OXSR1: variants seen among roughly 807,000 people sequenced by gnomAD.
OXSR1 encodes the protein oxidative stress responsive kinase 1.
A neutral mutation model predicts 79.8 loss-of-function variants in OXSR1; 24 were observed. The ratio of observed to expected loss-of-function variants is 0.30; its 90% confidence interval spans 0.22 to 0.42. The LOEUF (loss-of-function observed/expected upper bound fraction) is 0.42. Among genes scored for constraint, OXSR1 ranks in the 10% least tolerant of loss-of-function variants. OXSR1 has a pLI of 1.00. For synonymous variants in OXSR1, 226 were observed against 209.2 expected, an observed-to-expected ratio of 1.08 and a Z score of -0.69; for missense variants, 430 against 618.4, an observed-to-expected ratio of 0.70 and a Z score of 3.23.
intron 12 of OXSR1, 149 bp downstream of exon 12, chr3:38,242,927 A>G: frequency 4.6e-6 from 2 of 430,860 alleles, no homozygotes; most frequent in Non-Finnish European, 4.2e-6. Context: ...GTAAGGGCTC[A>G]GAATGTTCTT....
At chr3:38,224,091 T>G (rs911279401) in intron 7 of OXSR1, among the ~76,000 whole-genome samples, 178 bp downstream of exon 7, 2 of 152,234 alleles carry the variant, frequency 1.3e-5, no homozygotes, top group Admixed American at 6.5e-5. Context: ...CATCACGTTG[T>G]GCAGTTGTCA....
At chr3:38,212,285 A>G (rs1398863206) in intron 4 of OXSR1, among the ~76,000 whole-genome samples, 1 of 152,194 alleles carries the variant, frequency 6.6e-6, no homozygotes, top group Non-Finnish European at 1.5e-5. Context: ...CGTATCTTCA[A>G]AGTCCATTTG....
intron 1 of OXSR1, among the ~76,000 whole-genome samples, chr3:38,182,286 G>C (rs188152968): frequency 1.3e-5 from 2 of 152,208 alleles, no homozygotes; most frequent in African/African-American, 4.8e-5. Context: ...ATTGCCGCAC[G>C]TGTGGGGTAG....
intron 9 of OXSR1, 24 bp from the exon 10 acceptor site, chr3:38,230,341 A>G (rs770336937): frequency 6.6e-7 from 1 of 1,506,670 alleles, no homozygotes; most frequent in Non-Finnish European, 9.2e-7. Context: ...TTGTAAGAAC[A>G]AAATACTTAC....
intron 4 of OXSR1, among the ~76,000 whole-genome samples, chr3:38,212,962 T>G (rs1346071262): frequency 6.6e-6 from 1 of 152,226 alleles, no homozygotes; most frequent in Non-Finnish European, 1.5e-5. Context: ...TGTGCTATTC[T>G]GCTTTTACTC....
At chr3:38,243,823 A>G (rs777269693) in intron 12 of OXSR1, among the ~76,000 whole-genome samples, 1 of 152,228 alleles carries the variant, frequency 6.6e-6, no homozygotes, top group African/African-American at 2.4e-5. Flanking sequence ...TTGTTCACTT[A>G]TATGTGTGGC....
In OXSR1 at chr3:38,236,832, T is replaced by C; in HGVS notation, c.952-7T>C. The C allele has an allele frequency of 1.3e-6, 2 of 1,592,082 alleles. No individual in the cohort carries two copies. Among genetic ancestry groups the C allele is most frequent in the Middle Eastern group, 1.7e-4 (1 of 5,950 alleles). ...CACCATAACCCACTTCTCTTTCTAA[T>C]GAGCAGGTTCGGAGAGTACCAGGTT... is the stretch of plus-strand genomic sequence containing the variant. On this transcript the variant is annotated splice_polypyrimidine_tract_variant and splice_region_variant and intron_variant, in intron 10 of 17. Coordinates refer to ENST00000311806, the MANE Select transcript of OXSR1 (RefSeq NM_005109.3).
Position 38,242,777 on chromosome 3 carries a change from A to G in OXSR1, c.1109A>G (p.Glu370Gly), listed in dbSNP as rs771966064. Reference protein sequence around the residue: ...PRVKESISNSELFPTTDPVGT... With the variant: ...PRVKESISNSGLFPTTDPVGT... Reference sequence around the variant, plus strand: ...GTGAAAGAATCAATATCAAATTCTGAGGTAAGTAATTGTGATTATTGAATC... The same window carrying G: ...GTGAAAGAATCAATATCAAATTCTGGGGTAAGTAATTGTGATTATTGAATC... The change falls in exon 12 of 18, where the codon GAG becomes GGG. Residue 370 changes from glutamate to glycine, a missense_variant and splice_region_variant. Glu to Gly is a moderately conservative substitution (Grantham distance 98). This residue lies in a region of OXSR1 where 276 missense variants were observed against 354.2 expected (regional missense o/e 0.78). Transcript: ENST00000311806. 2.0e-6 allele frequency: 3 copies of G among 1,532,164 alleles called. No individual in the cohort carries two copies. Among genetic ancestry groups the G allele is most frequent in the African/African-American group, 2.8e-5 (2 of 72,452 alleles). The allele number at this position is 1,532,164 out of a possible 1,614,324, so 94.9% of individuals were successfully genotyped here.
chr3:38,243,430 T>C (rs1165922893), intron 12 of OXSR1, among the ~76,000 whole-genome samples: 1 of 152,190 alleles, frequency 6.6e-6, no homozygotes, highest in African/African-American at 2.4e-5. Context: ...TCTTGTGAAA[T>C]AAATTCTATT....
intron 10 of OXSR1, among the ~76,000 whole-genome samples, chr3:38,235,113 A>G (rs999485330): frequency 1.3e-5 from 2 of 152,206 alleles, no homozygotes; most frequent in Non-Finnish European, 2.9e-5. Flanking sequence ...TTACTGCTAA[A>G]GAGTATGGCA....
intron 2 of OXSR1, among the ~76,000 whole-genome samples, chr3:38,186,840 T>C (rs958773683): frequency 5.9e-5 from 9 of 152,224 alleles, no homozygotes; most frequent in African/African-American, 1.9e-4. Flanking sequence ...GTGGAATTGC[T>C]GGGTAATATG....
rs2125851162 is a variant in OXSR1 at position 38,242,735 on chromosome 3, T to C, written c.1075-8T>C. The C allele has an allele frequency of 1.3e-6, 2 of 1,540,190 alleles. No individual in the cohort carries two copies. The highest frequency in any genetic ancestry group is 4.8e-5 in the East Asian group (2 of 41,896). ...AGTTAACAATCATCCTTTTTGTATT[T>C]CGTTTAGTCTCCCCGAGTGAAAGAA... On this transcript the variant is annotated splice_polypyrimidine_tract_variant and splice_region_variant and intron_variant, in intron 11 of 17. Coordinates refer to ENST00000311806, the MANE Select transcript of OXSR1 (RefSeq NM_005109.3).
intron 1 of OXSR1, among the ~76,000 whole-genome samples, chr3:38,180,349 C>G (rs576179825): frequency 1.3e-5 from 2 of 152,066 alleles, no homozygotes; most frequent in Admixed American, 6.6e-5. Flanking sequence ...CCCTGGTAAC[C>G]ACTAATCTAC....
chr3:38,224,760 A>G (rs1702657266), intron 8 of OXSR1, 56 bp downstream of exon 8: 3 of 1,221,434 alleles, frequency 2.5e-6, no homozygotes, highest in Non-Finnish European at 3.4e-6. Flanking sequence ...TGAGAAGTCT[A>G]AGAATCACAT....
rs113062933 is a variant in OXSR1 at position 38,237,034 on chromosome 3, T to C, written c.1074+73T>C. The C allele has an allele frequency of 5.4e-4, 724 of 1,342,184 alleles. 3 individuals carry two copies. Among genetic ancestry groups the C allele is most frequent in the Non-Finnish European group, 5.2e-4 (515 of 980,966 alleles). 83.1% of individuals were successfully genotyped at this position (1,342,184 alleles called of 1,614,324 possible). On this transcript the variant is annotated intron_variant, in intron 11 of 17. Transcript: ENST00000311806. Reference sequence around the variant, plus strand: ...TTGTTCAGCTTAACCAGCTAAAATATAAAGAATACAATTGTAACAGGATTT... The same window carrying C: ...TTGTTCAGCTTAACCAGCTAAAATACAAAGAATACAATTGTAACAGGATTT...
intron 11 of OXSR1, 29 bp downstream of exon 11, chr3:38,236,990 C>T (rs767242838): frequency 6.3e-7 from 1 of 1,583,810 alleles, no homozygotes; most frequent in South Asian, 1.2e-5. Context: ...TGTACTTTAG[C>T]TAGAACTTTT....
At chr3:38,193,596 A>T (rs1448028550) in intron 3 of OXSR1, among the ~76,000 whole-genome samples, 1 of 147,390 alleles carries the variant, frequency 6.8e-6, no homozygotes, top group African/African-American at 2.5e-5. Context: ...GCTTTCTGCT[A>T]CTCCTAAGCA....
At chr3:38,237,335 G>C (rs1702940142) in intron 11 of OXSR1, among the ~76,000 whole-genome samples, 1 of 152,144 alleles carries the variant, frequency 6.6e-6, no homozygotes, top group South Asian at 2.1e-4. Context: ...GAGGAATGGT[G>C]TATCTCTTAT....
chr3:38,206,044 A>C (rs1011253770), intron 4 of OXSR1, among the ~76,000 whole-genome samples: 13 of 152,236 alleles, frequency 8.5e-5, no homozygotes, highest in African/African-American at 3.1e-4. Context: ...TTTTTGTTCT[A>C]TCTAAAGAAA....
Sources: gnomAD v4.1 joint callset for allele counts (sites outside exome capture counted in the v4.1 genomes callset) on GRCh38, gnomAD v4.1.1 for gene constraint, gnomAD v4.1.1 regional missense constraint, MANE v1.5 for transcripts, NCBI Gene and HGNC (gene_info 2026-07-23, HGNC 2026-07-21) for gene names.